Variants in AFF2 observed in about 807,000 individuals in gnomAD.
AFF2 encodes AF4/FMR2 family member 2.
Under a neutral mutation model 76.9 loss-of-function variants are expected in AFF2, and 14 were observed. That is an observed-to-expected ratio of 0.18 (90% CI 0.12 to 0.28). The LOEUF (loss-of-function observed/expected upper bound fraction) is 0.28. Ranked by LOEUF, AFF2 falls within the 10% of genes least tolerant of loss-of-function variation. The probability of loss-of-function intolerance (pLI) is 1.00; values close to 1 mark genes in which losing one functional copy is unlikely to be tolerated. For synonymous variants in AFF2, 398 were observed against 366.7 expected (o/e 1.09, Z -0.98); for missense variants, 868 against 1,001.1 (o/e 0.87, Z 1.79).
At chrX:148,535,147 A>C (rs1557236410) in intron 1 of AFF2, among the ~76,000 whole-genome samples, 1 of 111,716 alleles carries the variant, frequency 9.0e-6, no homozygotes, top group African/African-American at 3.3e-5. Flanking sequence ...TTACACAAGG[A>C]CTTGGCGAAT....
chrX:148,518,902 G>A (rs2052566651), intron 1 of AFF2, among the ~76,000 whole-genome samples: 1 of 111,762 alleles, frequency 8.9e-6, no homozygotes, highest in African/African-American at 3.3e-5. Flanking sequence ...TTGGGGTAAA[G>A]GGGAGAATAG....
intron 3 of AFF2, among the ~76,000 whole-genome samples, chrX:148,693,160 AC>A (rs1557260914): frequency 1.8e-5 from 2 of 110,010 alleles, no homozygotes; most frequent in African/African-American, 6.6e-5. Flanking sequence ...CTCGTGATCC[AC>A]CCGCCTCGAC....
chrX:148,587,264 A>T (rs1178958685), intron 1 of AFF2, among the ~76,000 whole-genome samples: 4 of 111,964 alleles, frequency 3.6e-5, no homozygotes, highest in African/African-American at 1.3e-4. Context: ...AAGAGCTATT[A>T]TTTTTACATT....
chrX:148,579,822 A>G (rs1324331937), intron 1 of AFF2, among the ~76,000 whole-genome samples: 1 of 111,586 alleles, frequency 9.0e-6, no homozygotes, highest in African/African-American at 3.3e-5. Flanking sequence ...AATAGACATG[A>G]TAAAATATGA....
chrX:148,512,214 T>C (rs968979477), intron 1 of AFF2, among the ~76,000 whole-genome samples: 1 of 112,449 alleles, frequency 8.9e-6, no homozygotes, highest in Non-Finnish European at 1.9e-5. Flanking sequence ...CTATATCTCT[T>C]TTGCTACAAT....
chrX:148,844,012 T>C (rs1037136632), intron 7 of AFF2, among the ~76,000 whole-genome samples: 1 of 112,306 alleles, frequency 8.9e-6, no homozygotes, highest in Non-Finnish European at 1.9e-5. Context: ...TTAAGTTCTC[T>C]AAGTTTGTAA....
rs1194139581 is a variant in AFF2, at chrX:148,543,197, C to T, written c.47+42053C>T. On this transcript the variant is annotated intron_variant, in intron 1 of 20. Transcript: ENST00000370460. ...CCAATGTCAGGTGCCAGCCAAACTTCCTGAATCTGAGTCTGCATTGTCAAA... is the reference window on the plus strand; with the variant it reads ...CCAATGTCAGGTGCCAGCCAAACTTTCTGAATCTGAGTCTGCATTGTCAAA... 3.6e-5 allele frequency among the ~76,000 whole-genome samples: 4 copies of T among 111,516 alleles called. No individual in the cohort carries two copies. In the Admixed American group the frequency reaches 3.8e-4, roughly 11 times the overall value.
chrX:148,508,499 G>C (rs1557232770), intron 1 of AFF2, among the ~76,000 whole-genome samples: 1 of 111,478 alleles, frequency 9.0e-6, no homozygotes, highest in African/African-American at 3.3e-5. Context: ...TGGGTTTCTA[G>C]TATGGTTTGA....
chrX:148,559,102 A>C (rs1246784867), intron 1 of AFF2, among the ~76,000 whole-genome samples: 1 of 111,329 alleles, frequency 9.0e-6, no homozygotes, highest in African/African-American at 3.3e-5. Flanking sequence ...ACTAGTTGGG[A>C]AAATGGACTT....
chrX:148,961,224 A>C (rs1188470922), intron 12 of AFF2, among the ~76,000 whole-genome samples: 4 of 111,848 alleles, frequency 3.6e-5, no homozygotes, highest in Non-Finnish European at 5.6e-5. Flanking sequence ...ATGAACCACC[A>C]TTCACCTCCT....
chrX:148,517,530 C>G (rs1435473493), intron 1 of AFF2, among the ~76,000 whole-genome samples: 1 of 111,874 alleles, frequency 8.9e-6, no homozygotes, highest in Non-Finnish European at 1.9e-5. Flanking sequence ...TCATTTTTTT[C>G]ACTTGTTGTA....
chrX:148,856,015 T>A (rs1557275865), intron 7 of AFF2, among the ~76,000 whole-genome samples: 1 of 111,780 alleles, frequency 8.9e-6, no homozygotes, highest in Non-Finnish European at 1.9e-5. Context: ...CCTTTCACTC[T>A]CTTCCCTGAC....
intron 9 of AFF2, among the ~76,000 whole-genome samples, chrX:148,950,417 C>T (rs188853927): frequency 8.9e-5 from 10 of 112,010 alleles, no homozygotes; most frequent in Non-Finnish European, 1.3e-4. Context: ...CTTCCACAAA[C>T]GCTGGCTCTC....
intron 17 of AFF2, 93 bp from the exon 18 acceptor site, chrX:148,978,269 G>A: frequency 3.1e-6 from 2 of 636,718 alleles, no homozygotes; most frequent in Non-Finnish European, 5.0e-6. Flanking sequence ...CCATAGGAAA[G>A]TAACTGCAAA....
intron 4 of AFF2, among the ~76,000 whole-genome samples, chrX:148,817,105 G>A: frequency 9.0e-6 from 1 of 111,002 alleles, no homozygotes; most frequent in Admixed American, 9.6e-5. Flanking sequence ...ACTTAAAGAT[G>A]CTATTTAAAA....
At chrX:148,759,117 G>A (rs56769479) in intron 3 of AFF2, among the ~76,000 whole-genome samples, 1,267 of 111,869 alleles carry the variant, frequency 0.011, 14 homozygotes, top group African/African-American at 0.039. Context: ...CTGAATTTTC[G>A]ATGCTAAACT....
intron 1 of AFF2, among the ~76,000 whole-genome samples, chrX:148,511,542 G>T (rs782454307): frequency 8.9e-6 from 1 of 112,559 alleles, no homozygotes; most frequent in Non-Finnish European, 1.9e-5. Context: ...GTTTCCACAC[G>T]TGCTGATTTT....
chrX:148,597,046 A>G (rs1212633599), intron 1 of AFF2, among the ~76,000 whole-genome samples: 2 of 112,042 alleles, frequency 1.8e-5, no homozygotes, highest in Non-Finnish European at 3.8e-5. Context: ...GCTGGGGGGC[A>G]GATGAAGGGG....
chrX:148,854,409 G>A (rs1419374279), intron 7 of AFF2, among the ~76,000 whole-genome samples: 1 of 111,486 alleles, frequency 9.0e-6, no homozygotes, highest in African/African-American at 3.3e-5. Flanking sequence ...TATTCAGAAA[G>A]AAATGTGATA....
Sources: gnomAD v4.1 joint callset for allele counts (sites outside exome capture counted in the v4.1 genomes callset) on GRCh38, gnomAD v4.1.1 for gene constraint, MANE v1.5 for transcripts, NCBI Gene and HGNC (gene_info 2026-07-23, HGNC 2026-07-21) for gene names.